Variants in TMPRSS15 observed in about 807,000 individuals in gnomAD.
The protein encoded by TMPRSS15 is transmembrane serine protease 15.
A neutral mutation model predicts 125.3 loss-of-function variants in TMPRSS15; 128 were observed. The observed-to-expected ratio is 1.02, with a 90% CI of 0.89 to 1.18. The LOEUF is 1.18. Among genes scored for constraint, TMPRSS15 ranks in the 50% most tolerant of loss-of-function variants. The pLI, the probability that TMPRSS15 is intolerant of heterozygous loss-of-function variation, is 0.00. For missense variants in TMPRSS15, 1,283 were observed against 1,212.7 expected (o/e 1.06, Z -0.86); for synonymous variants, 446 against 423.2 (o/e 1.05, Z -0.66).
intron 1 of TMPRSS15, among the ~76,000 whole-genome samples, chr21:18,426,177 G>A (rs2076202273): frequency 6.6e-6 from 1 of 152,038 alleles, no homozygotes; most frequent in South Asian, 2.1e-4. Context: ...GACAAACAAC[G>A]TAAGTAGTTG....
At chr21:18,437,641 C>A (rs1442818268) in intron 1 of TMPRSS15, among the ~76,000 whole-genome samples, 3 of 152,080 alleles carry the variant, frequency 2.0e-5, no homozygotes, top group Non-Finnish European at 4.4e-5. Context: ...AAAAAACAAA[C>A]AACCCCATCA....
intron 3 of TMPRSS15, among the ~76,000 whole-genome samples, chr21:18,388,109 TCTAA>T (rs1241079909): frequency 6.6e-6 from 1 of 152,148 alleles, no homozygotes; most frequent in African/African-American, 2.4e-5. Context: ...ATGTGATTTA[TCTAA>T]CAGACGTTTT....
At chr21:18,321,454 G>A (rs996618845) in intron 16 of TMPRSS15, among the ~76,000 whole-genome samples, 3 of 139,978 alleles carry the variant, frequency 2.1e-5, no homozygotes, top group Non-Finnish European at 4.5e-5. Flanking sequence ...CCGGGTTCAC[G>A]CCATTCTCCT....
intron 13 of TMPRSS15, 30 bp from the exon 14 acceptor site, chr21:18,332,203 G>C: frequency 6.5e-7 from 1 of 1,550,040 alleles, no homozygotes; most frequent in Non-Finnish European, 8.9e-7. Flanking sequence ...GAAATCATCA[G>C]TAATACAATG....
chr21:18,364,063 C>T (rs187025582), intron 7 of TMPRSS15, among the ~76,000 whole-genome samples: 102 of 152,188 alleles, frequency 6.7e-4, no homozygotes, highest in African/African-American at 2.0e-3. Flanking sequence ...GATATGTCTA[C>T]CTGGGTGATT....
intron 7 of TMPRSS15, among the ~76,000 whole-genome samples, chr21:18,361,669 G>A (rs1045931038): frequency 6.6e-5 from 10 of 152,118 alleles, no homozygotes; most frequent in Admixed American, 5.2e-4. Context: ...TTCATTTGTG[G>A]CAAGACCTCA....
chr21:18,297,172 C>T (rs528773683), intron 19 of TMPRSS15, among the ~76,000 whole-genome samples: 2 of 152,292 alleles, frequency 1.3e-5, no homozygotes, highest in South Asian at 2.1e-4. Flanking sequence ...AGGAAAGATG[C>T]TGCTTTTTAA....
chr21:18,363,560 TAGTTAC>T (rs987459168), intron 7 of TMPRSS15, among the ~76,000 whole-genome samples: 6 of 104,042 alleles, frequency 5.8e-5, no homozygotes, highest in South Asian at 6.6e-4. Context: ...TTATGCAGAT[TAGTTAC>T]AGTCTTTCCA....
chr21:18,430,540 G>A (rs923825621), intron 1 of TMPRSS15, among the ~76,000 whole-genome samples: 12 of 151,982 alleles, frequency 7.9e-5, no homozygotes, highest in Non-Finnish European at 1.5e-5. Flanking sequence ...AACTAGTGTG[G>A]CAATTGTTAT....
chr21:18,361,283 G>GT (rs1346900471), intron 7 of TMPRSS15, among the ~76,000 whole-genome samples: 2 of 152,042 alleles, frequency 1.3e-5, no homozygotes, highest in African/African-American at 4.8e-5. Flanking sequence ...CAAGTGCTTT[G>GT]TAAGTACCAA....
At position 18,344,635 on chromosome 21, in the gene TMPRSS15, C is replaced by T. The variant is rs565914982; in HGVS notation, c.1172-575G>A. ...CTGAGAAGCAGAAAGCATGCTAATC[C>T]GTATAAAACTTTCAAAATAGCACAA... On this transcript the variant is annotated intron_variant, in intron 10 of 24. Transcript: ENST00000284885. Among the ~76,000 whole-genome samples, 370 of 152,144 alleles carry T rather than the reference C, an allele frequency of 2.4e-3. 1 individual carries two copies. Among genetic ancestry groups the T allele is most frequent in the Non-Finnish European group, 2.9e-3 (194 of 67,994 alleles).
intron 1 of TMPRSS15, among the ~76,000 whole-genome samples, chr21:18,421,950 G>C (rs996486911): frequency 6.6e-6 from 1 of 150,680 alleles, no homozygotes; most frequent in African/African-American, 2.5e-5. Context: ...GAGAGTTTCT[G>C]TCTTCAGGCA....
At position 18,329,301 on chromosome 21, in the gene TMPRSS15, A is replaced by T; in HGVS notation, c.1655-7T>A. The T allele has an allele frequency of 6.2e-7, 1 of 1,607,332 alleles. No individual in the cohort carries two copies. Among genetic ancestry groups the T allele is most frequent in the South Asian group, 1.1e-5 (1 of 90,670 alleles). ...GCATTTAAAATCCAAACACCTAAAA[A>T]GTAAGAAGTAACATTTAATTTGGAA... On this transcript the variant is annotated splice_polypyrimidine_tract_variant and splice_region_variant and intron_variant, in intron 14 of 24. Coordinates refer to ENST00000284885, the MANE Select transcript of TMPRSS15 (RefSeq NM_002772.3).
intron 6 of TMPRSS15, among the ~76,000 whole-genome samples, chr21:18,367,471 G>A (rs1160432430): frequency 6.6e-6 from 1 of 152,100 alleles, no homozygotes. Flanking sequence ...GGCAATTAAT[G>A]CCTTACATTC....
intron 21 of TMPRSS15, among the ~76,000 whole-genome samples, chr21:18,290,410 A>G (rs181425688): frequency 6.6e-6 from 1 of 152,274 alleles, no homozygotes; most frequent in Admixed American, 6.5e-5. Context: ...AACACACAAG[A>G]TTAACCTGGA....
At chr21:18,406,136 A>T (rs1272469549), upstream of TMPRSS15, among the ~76,000 whole-genome samples, 3 of 152,182 alleles carry the variant, frequency 2.0e-5, no homozygotes, top group Admixed American at 6.5e-5. Context: ...AGGGTGATAA[A>T]GCCAGTGAAG....
At chr21:18,475,225 C>T (rs1045272539) in intron 1 of TMPRSS15, among the ~76,000 whole-genome samples, 2 of 152,078 alleles carry the variant, frequency 1.3e-5, no homozygotes, top group African/African-American at 4.8e-5. Context: ...GAGTTGATTC[C>T]TATTCTATTA....
chr21:18,416,090 G>T (rs2123181485), intron 1 of TMPRSS15, among the ~76,000 whole-genome samples: 1 of 151,894 alleles, frequency 6.6e-6, no homozygotes, highest in Admixed American at 6.6e-5. Context: ...TAAGCGTGGG[G>T]GTGAAATACT....
At chr21:18,483,577 T>G (rs891016044) in intron 1 of TMPRSS15, among the ~76,000 whole-genome samples, 4 of 151,850 alleles carry the variant, frequency 2.6e-5, no homozygotes, top group African/African-American at 7.2e-5. Context: ...AATACAAGCC[T>G]CGATTAGAGA....
Sources: gnomAD v4.1 joint callset for allele counts (sites outside exome capture counted in the v4.1 genomes callset) on GRCh38, gnomAD v4.1.1 for gene constraint, MANE v1.5 for transcripts, NCBI Gene and HGNC (gene_info 2026-07-23, HGNC 2026-07-21) for gene names.